Variants in ZNF717 observed in about 807,000 individuals in gnomAD.
ZNF717 encodes the protein zinc finger protein 717.
Under a neutral mutation model 13.8 loss-of-function variants are expected in ZNF717, and 9 were observed. That is an observed-to-expected ratio of 0.65 (90% CI 0.39 to 1.14). The LOEUF is 1.14. ZNF717 is among the 50% of genes most tolerant of loss of function. The probability of loss-of-function intolerance (pLI) is 0.01; values close to 1 mark genes in which losing one functional copy is unlikely to be tolerated. For missense variants in ZNF717, 1,040 were observed against 1,080.7 expected (o/e 0.96, Z 0.53); for synonymous variants, 327 against 364.1 (o/e 0.90, Z 1.16).
chr3:75,696,997 C>T (rs141699195), intron 6 of ZNF717, among the ~76,000 whole-genome samples: 4 of 148,732 alleles, frequency 2.7e-5, no homozygotes, highest in South Asian at 2.2e-4. Context: ...AATAAAAAAC[C>T]CTTTGAAAAC....
At chr3:75,782,106 G>A (rs73843064) in intron 2 of ZNF717, among the ~76,000 whole-genome samples, 9 of 151,502 alleles carry the variant, frequency 5.9e-5, no homozygotes, top group Non-Finnish European at 7.4e-5. Flanking sequence ...TCTCTAACTC[G>A]CTCGGATACG....
intron 6 of ZNF717, among the ~76,000 whole-genome samples, chr3:75,697,455 AG>A (rs1351686642): frequency 6.6e-6 from 1 of 152,310 alleles, no homozygotes; most frequent in Non-Finnish European, 1.5e-5. Context: ...ATAGTAAGTG[AG>A]TTCCTATAAG....
rs1184560641 is a variant in ZNF717 at position 75,741,606 on chromosome 3, T to G, written c.184+4A>C. 1 of 1,608,482 alleles carries G rather than the reference T, an allele frequency of 6.2e-7. No individual in the cohort carries two copies. The highest frequency in any genetic ancestry group is 8.5e-7 in the Non-Finnish European group (1 of 1,177,234). ...CCTGGGAGTTACTGGCAAGTTTCAC[T>G]CACCCAATGATACCAGGCTGCTGTA... is the stretch of plus-strand genomic sequence containing the variant. On this transcript the variant is annotated splice_donor_region_variant and intron_variant, in intron 3 of 4. Transcript: ENST00000652011.
At chr3:75,782,115 C>T (rs989745124) in intron 2 of ZNF717, among the ~76,000 whole-genome samples, 13 of 152,084 alleles carry the variant, frequency 8.5e-5, no homozygotes, top group East Asian at 1.9e-4. Flanking sequence ...CGCTCGGATA[C>T]GACAGTTTCA....
chr3:75,726,951 A>G (rs1241281667), downstream of ZNF717, among the ~76,000 whole-genome samples: 6 of 152,058 alleles, frequency 3.9e-5, no homozygotes, highest in Non-Finnish European at 5.9e-5. Flanking sequence ...TCAATAATGA[A>G]CCATGTATAT....
intron 2 of ZNF717, among the ~76,000 whole-genome samples, chr3:75,746,311 T>C (rs980338525): frequency 2.6e-5 from 4 of 152,218 alleles, no homozygotes; most frequent in Non-Finnish European, 5.9e-5. Context: ...TTCCAAGTCT[T>C]TGCTATTGTG....
chr3:75,748,356 T>C (rs1941368376), intron 2 of ZNF717, among the ~76,000 whole-genome samples: 2 of 152,194 alleles, frequency 1.3e-5, no homozygotes, highest in South Asian at 4.1e-4. Context: ...AGCATCATCC[T>C]GATACCAAAG....
At chr3:75,756,204 T>G (rs1012390710) in intron 2 of ZNF717, among the ~76,000 whole-genome samples, 3 of 152,282 alleles carry the variant, frequency 2.0e-5, no homozygotes, top group African/African-American at 7.2e-5. Flanking sequence ...TGTCATTGTT[T>G]TGGGAACCAC....
chr3:75,732,068 G>A (rs1938607698), downstream of ZNF717: 3 of 702,994 alleles, frequency 4.3e-6, no homozygotes, highest in Non-Finnish European at 5.2e-6. Flanking sequence ...ACCTCCTGGA[G>A]CTCCACCAGG....
chr3:75,708,486 C>T (rs1407821590), downstream of ZNF717, among the ~76,000 whole-genome samples: 1 of 152,090 alleles, frequency 6.6e-6, no homozygotes, highest in East Asian at 1.9e-4. Context: ...CCATCAAAGA[C>T]CAAAAGTAGA....
chr3:75,780,026 C>T (rs907523850), intron 2 of ZNF717, among the ~76,000 whole-genome samples: 2 of 148,446 alleles, frequency 1.3e-5, no homozygotes, highest in Admixed American at 6.8e-5. Flanking sequence ...ATGGGAGAGA[C>T]GTGCTAAACC....
At chr3:75,723,326 T>G (rs1393934575) in intron 4 of ZNF717, among the ~76,000 whole-genome samples, 2 of 141,044 alleles carry the variant, frequency 1.4e-5, no homozygotes, top group African/African-American at 5.3e-5. Context: ...CATAGCTCAC[T>G]GCAACCTCTG....
At chr3:75,718,236 GGGTT>G (rs1299812641) in intron 4 of ZNF717, among the ~76,000 whole-genome samples, 1 of 152,194 alleles carries the variant, frequency 6.6e-6, no homozygotes, top group African/African-American at 2.4e-5. Flanking sequence ...CAGGCCAAGT[GGGTT>G]CTAGCTGCAG....
At chr3:75,769,639 T>C (rs13069699) in intron 2 of ZNF717, among the ~76,000 whole-genome samples, 49,939 of 152,078 alleles carry the variant, frequency 0.33, 9,470 homozygotes, top group Non-Finnish European at 0.43. Context: ...AGGTTAAAAA[T>C]GCAAGAATGG....
At chr3:75,709,713 C>T (rs3009070) in exon 6 of ZNF717, 62,970 of 151,826 alleles carry the variant, frequency 0.41, 13,469 homozygotes, top group South Asian at 0.61. Context: ...CAGGCATACA[C>T]GCATGAGAAT....
At position 75,717,482 on chromosome 3, in the gene ZNF717, G is replaced by A. The variant is rs9872565; in HGVS notation, n.545-941C>T. On this transcript the variant is annotated intron_variant and non_coding_transcript_variant, in intron 4 of 5. Coordinates refer to the ZNF717 transcript ENST00000491507. ...TGATAAGTCAGGAGGATGAATGAAT[G>A]GAAAGAATGCTGTTGGTGTCCAAAG... Among the ~76,000 whole-genome samples the A allele has an allele frequency of 5.7e-3, 868 of 152,320 alleles. 2 individuals carry two copies. Among genetic ancestry groups the A allele is most frequent in the African/African-American group, 0.02 (832 of 41,564 alleles).
chr3:75,709,373 A>G (rs3009072), downstream of ZNF717, among the ~76,000 whole-genome samples: 62,978 of 151,768 alleles, frequency 0.41, 13,490 homozygotes, highest in South Asian at 0.61. Context: ...ATGGTGCTAA[A>G]CCATTCATGA....
chr3:75,741,385 A>G lies in ZNF717; in HGVS notation c.185-17T>C. The G allele has an allele frequency of 7.8e-7, 1 of 1,276,908 alleles. No homozygotes were observed. Among genetic ancestry groups the G allele is most frequent in the Non-Finnish European group, 1.1e-6 (1 of 919,094 alleles). The allele number at this position is 1,276,908 out of a possible 1,614,324, so 79.1% of individuals were successfully genotyped here. ...TGTAATGCCCTGGTAATGAGAAACA[A>G]TGGAAGACTTTGTCAAACCACTAAG... On this transcript the variant is annotated splice_polypyrimidine_tract_variant and intron_variant, in intron 3 of 4. Coordinates refer to ENST00000652011, the MANE Select transcript of ZNF717 (RefSeq NM_001290208.3).
rs376393087 is a variant in ZNF717, at chr3:75,760,357, TA to T, written c.58-18622del. ...CTGTGCCTGGCCTGGAATTTTTTTC[TA>T]AAGTTTACATTTCTGAGTTAAGAAT... On this transcript the variant is annotated intron_variant, in intron 2 of 4. Transcript: ENST00000652011. 5.1e-4 allele frequency among the ~76,000 whole-genome samples: 64 copies of T among 124,432 alleles called. No individual in the cohort carries two copies. The East Asian group carries it at 0.011, about 21-fold the overall frequency. The allele number at this position is 124,432 out of a possible 152,430, so 81.6% of individuals were successfully genotyped here. A position where few individuals can be genotyped will look rare whatever the true frequency, so the allele number is the denominator to read the frequency against.
Sources: gnomAD v4.1 joint callset for allele counts (sites outside exome capture counted in the v4.1 genomes callset) on GRCh38, gnomAD v4.1.1 for gene constraint, MANE v1.5 for transcripts, NCBI Gene and HGNC (gene_info 2026-07-23, HGNC 2026-07-21) for gene names.